ARRB1: variants seen among roughly 807,000 people sequenced by gnomAD.
The protein encoded by ARRB1 is beta-arrestin-1.
A neutral mutation model predicts 56.8 loss-of-function variants in ARRB1; 21 were observed. The observed-to-expected ratio is 0.37, with a 90% CI of 0.26 to 0.53. ARRB1 has a LOEUF of 0.53. Among genes scored for constraint, ARRB1 ranks in the 20% least tolerant of loss-of-function variants. The pLI, the probability that ARRB1 is intolerant of heterozygous loss-of-function variation, is 0.88. For missense variants in ARRB1, 424 were observed against 553.7 expected (o/e 0.77, Z 2.35); for synonymous variants, 210 against 218.6 (o/e 0.96, Z 0.35).
At chr11:75,302,288 A>G (rs1371560335) in intron 1 of ARRB1, among the ~76,000 whole-genome samples, 1 of 152,190 alleles carries the variant, frequency 6.6e-6, no homozygotes, top group Non-Finnish European at 1.5e-5. Context: ...CTCCTGCCGC[A>G]TTCACGGGTT....
At chr11:75,271,443 C>G in intron 13 of ARRB1, 1 of 394,460 alleles carries the variant, frequency 2.5e-6, no homozygotes, top group Non-Finnish European at 4.5e-6. Context: ...TCAGACAGCT[C>G]TCTTGGGGGC....
intron 1 of ARRB1, among the ~76,000 whole-genome samples, chr11:75,304,672 A>G (rs141311609): frequency 1.3e-5 from 2 of 152,078 alleles, no homozygotes; most frequent in Non-Finnish European, 2.9e-5. Flanking sequence ...ACTAACATCT[A>G]GTAGGTAGAG....
At chr11:75,338,430 G>A (rs576244193) in intron 1 of ARRB1, among the ~76,000 whole-genome samples, 1 of 152,306 alleles carries the variant, frequency 6.6e-6, no homozygotes, top group South Asian at 2.1e-4. Context: ...CTGAACTGGG[G>A]CTGCCCACAG....
chr11:75,340,739 C>T (rs1039737556), intron 1 of ARRB1, among the ~76,000 whole-genome samples: 1 of 152,220 alleles, frequency 6.6e-6, no homozygotes, highest in Non-Finnish European at 1.5e-5. Flanking sequence ...GGCAGAAAGC[C>T]AGGCTCGGGG....
intron 1 of ARRB1, among the ~76,000 whole-genome samples, chr11:75,336,377 C>T (rs1211223411): frequency 1.3e-5 from 2 of 152,136 alleles, no homozygotes; most frequent in African/African-American, 4.8e-5. Context: ...GGCCCCACCC[C>T]TACCTCCCAC....
At chr11:75,345,092 C>T (rs911621023) in intron 1 of ARRB1, among the ~76,000 whole-genome samples, 5 of 152,194 alleles carry the variant, frequency 3.3e-5, no homozygotes, top group Non-Finnish European at 7.3e-5. Flanking sequence ...AGCCAGGTGC[C>T]GCCCAGCCCC....
chr11:75,302,972 G>A (rs919403113), intron 1 of ARRB1, among the ~76,000 whole-genome samples: 1 of 148,430 alleles, frequency 6.7e-6, no homozygotes, highest in African/African-American at 2.6e-5. Context: ...CACAATTTAT[G>A]ATGTTTTTCC....
intron 1 of ARRB1, among the ~76,000 whole-genome samples, chr11:75,314,889 G>T (rs964584838): frequency 1.3e-5 from 2 of 152,192 alleles, no homozygotes; most frequent in Admixed American, 1.3e-4. Flanking sequence ...TTACAGGCGT[G>T]AGCCACCACG....
At chr11:75,294,805 ATATGAGTAGAAG>A (rs1475040776) in intron 1 of ARRB1, among the ~76,000 whole-genome samples, 2 of 152,132 alleles carry the variant, frequency 1.3e-5, no homozygotes, top group African/African-American at 4.8e-5. Flanking sequence ...GGCCAGTGAA[ATATGAGTAGAAG>A]TGCCAGATGT....
intron 1 of ARRB1, among the ~76,000 whole-genome samples, chr11:75,314,376 C>A (rs1947225383): frequency 2.0e-5 from 3 of 152,212 alleles, no homozygotes; most frequent in Non-Finnish European, 4.4e-5. Context: ...CAGGGATGCC[C>A]CCCCTCCAGC....
intron 2 of ARRB1, among the ~76,000 whole-genome samples, 190 bp downstream of exon 2, chr11:75,289,819 G>A (rs1468164009): frequency 1.3e-5 from 2 of 152,184 alleles, no homozygotes; most frequent in East Asian, 1.9e-4. Flanking sequence ...AGTTTCCTGA[G>A]TGTGTCCCTC....
Position 75,274,127 on chromosome 11 carries a change from GA to G in ARRB1, c.860del (p.Leu287ProfsTer20). The stretch of plus-strand genomic sequence containing the variant: ...CGTGCTTGAGCTTCCCGTCCAAGGC[GA>G]GGCCCCGCTTCTCTCGGTTATTGGC... ...FLANNREKRG[L>X]ALDGKLKHED... On this transcript the variant is annotated frameshift_variant, in exon 11 of 16. Transcript: ENST00000420843. LOFTEE classifies it high-confidence loss of function. 6.2e-7 allele frequency: 1 copy of G among 1,614,208 alleles called. No homozygotes were observed. The highest frequency in any genetic ancestry group is 2.2e-5 in the East Asian group (1 of 44,880).
chr11:75,302,665 T>G (rs1175919035), intron 1 of ARRB1, among the ~76,000 whole-genome samples: 1 of 152,208 alleles, frequency 6.6e-6, no homozygotes, highest in Non-Finnish European at 1.5e-5. Flanking sequence ...AAGGCTCAGC[T>G]TCCTTCGCCT....
intron 6 of ARRB1, chr11:75,281,653 T>G (rs981878797): frequency 2.5e-6 from 1 of 394,256 alleles, no homozygotes; most frequent in Non-Finnish European, 4.6e-6. Flanking sequence ...CGCACTTTGA[T>G]TCCAGGTTGC....
intron 7 of ARRB1, among the ~76,000 whole-genome samples, chr11:75,279,633 G>A (rs1946283434): frequency 6.6e-6 from 1 of 152,176 alleles, no homozygotes; most frequent in African/African-American, 2.4e-5. Context: ...GGTGATGACA[G>A]AAGGACCTAC....
At chr11:75,296,705 T>C (rs988765989) in intron 1 of ARRB1, among the ~76,000 whole-genome samples, 6 of 151,136 alleles carry the variant, frequency 4.0e-5, no homozygotes, top group African/African-American at 1.5e-4. Context: ...TGAGATGGAG[T>C]CTCACTCTGT....
At chr11:75,288,068 G>A (rs1022215093) in intron 2 of ARRB1, among the ~76,000 whole-genome samples, 7 of 152,050 alleles carry the variant, frequency 4.6e-5, no homozygotes, top group African/African-American at 1.7e-4. Flanking sequence ...TCACCATGTT[G>A]GTCAGGCTGG....
chr11:75,278,490 T>C lies in ARRB1; in HGVS notation c.618+119A>G, dbSNP rs2282577. 1.6e-3 allele frequency: 2,282 copies of C among 1,422,982 alleles called. 39 individuals are homozygous for C. The East Asian group carries it at 0.028, about 18-fold the overall frequency. The allele number at this position is 1,422,982 out of a possible 1,614,324, so 88.1% of individuals were successfully genotyped here. A position where few individuals can be genotyped will look rare whatever the true frequency, so the allele number is the denominator to read the frequency against. On this transcript the variant is annotated intron_variant, in intron 8 of 15. Coordinates refer to ENST00000420843, the MANE Select transcript of ARRB1 (RefSeq NM_004041.5). ...TCAGATTCCCTGACCCCTGTGGTCC[T>C]TGGGCTGGGGATAGAAGCTCCTACC...
At chr11:75,346,821 A>T (rs373709606) in intron 1 of ARRB1, among the ~76,000 whole-genome samples, 1 of 152,154 alleles carries the variant, frequency 6.6e-6, no homozygotes, top group Admixed American at 6.5e-5. Context: ...TCATTCATCC[A>T]CATTTCCAAA....
Sources: allele counts gnomAD v4.1 joint callset (sites outside exome capture counted in the v4.1 genomes callset), GRCh38; gene constraint gnomAD v4.1.1; transcripts MANE v1.5; gene names NCBI Gene and HGNC (gene_info 2026-07-23, HGNC 2026-07-21).